ADGRG7: variants seen among roughly 807,000 people sequenced by gnomAD.
ADGRG7 encodes the protein adhesion G protein-coupled receptor G7, also known as G-protein coupled receptor 128.
ADGRG7 carries 82 observed loss-of-function variants against 88.6 expected under a neutral mutation model. That is an observed-to-expected ratio of 0.93 (90% CI 0.77 to 1.11). ADGRG7 has a LOEUF of 1.11. Ranked by LOEUF, ADGRG7 falls within the 50% of genes most tolerant of loss-of-function variation. The pLI, the probability that ADGRG7 is intolerant of heterozygous loss-of-function variation, is 0.00. For synonymous variants in ADGRG7, 381 were observed against 345.2 expected, an observed-to-expected ratio of 1.10 and a Z score of -1.15; for missense variants, 945 against 953.4, an observed-to-expected ratio of 0.99 and a Z score of 0.12.
intron 15 of ADGRG7, among the ~76,000 whole-genome samples, chr3:100,682,543 C>G (rs1245075480): frequency 6.6e-6 from 1 of 152,198 alleles, no homozygotes; most frequent in Non-Finnish European, 1.5e-5. Flanking sequence ...CCGAGCCTGA[C>G]GTTTCCAATG....
chr3:100,692,948 A>T (rs2094996344), intron 15 of ADGRG7, among the ~76,000 whole-genome samples: 1 of 152,246 alleles, frequency 6.6e-6, no homozygotes, highest in Non-Finnish European at 1.5e-5. Flanking sequence ...ATTTGTTTAC[A>T]CGTGAAACTT....
intron 15 of ADGRG7, among the ~76,000 whole-genome samples, chr3:100,686,054 A>C (rs554322580): frequency 2.6e-5 from 4 of 151,294 alleles, no homozygotes; most frequent in East Asian, 2.0e-4. Context: ...CTGACTTTTT[A>C]ATGATCGCCA....
At chr3:100,666,707 G>A (rs2094952306) in intron 14 of ADGRG7, among the ~76,000 whole-genome samples, 1 of 152,136 alleles carries the variant, frequency 6.6e-6, no homozygotes, top group Admixed American at 6.5e-5. Flanking sequence ...CAGGCTGGGG[G>A]ACGGTCAGGT....
At chr3:100,611,998 A>C (rs1707161144) in intron 1 of ADGRG7, among the ~76,000 whole-genome samples, 1 of 152,188 alleles carries the variant, frequency 6.6e-6, no homozygotes, top group Non-Finnish European at 1.5e-5. Context: ...GAGAGGTCAC[A>C]CATATCTCTG....
In ADGRG7 at chr3:100,674,481, G is replaced by A. The variant is rs539742798; in HGVS notation, c.2136+5376G>A. On this transcript the variant is annotated intron_variant, in intron 15 of 15. Coordinates refer to ENST00000273352, the MANE Select transcript of ADGRG7 (RefSeq NM_032787.3). ...CAATTGGTTGCATGCAGGTTTTATA[G>A]TTTTCGTTGTAGAGATCTTTCACTT... 2.3e-4 allele frequency among the ~76,000 whole-genome samples: 35 copies of A among 151,820 alleles called. No individual in the cohort carries two copies. The South Asian group carries it at 3.3e-3, about 14-fold the overall frequency.
At chr3:100,655,401 T>C (rs888718438) in intron 12 of ADGRG7, among the ~76,000 whole-genome samples, 2 of 152,194 alleles carry the variant, frequency 1.3e-5, no homozygotes, top group Non-Finnish European at 2.9e-5. Context: ...TAAACTAACT[T>C]AACTAACTTA....
At chr3:100,670,806 G>T (rs1409886981) in intron 15 of ADGRG7, among the ~76,000 whole-genome samples, 2 of 152,142 alleles carry the variant, frequency 1.3e-5, no homozygotes, top group African/African-American at 4.8e-5. Context: ...GTGAGAACAT[G>T]TGGTGTTTGG....
chr3:100,681,817 C>A (rs1289117687), intron 15 of ADGRG7, among the ~76,000 whole-genome samples: 1 of 152,136 alleles, frequency 6.6e-6, no homozygotes, highest in Non-Finnish European at 1.5e-5. Flanking sequence ...TTAAAGCACT[C>A]GCACCCTACC....
chr3:100,662,369 G>T (rs2094946666), intron 14 of ADGRG7, among the ~76,000 whole-genome samples: 1 of 152,296 alleles, frequency 6.6e-6, no homozygotes, highest in East Asian at 1.9e-4. Context: ...GCTCTTAACA[G>T]TATGTTTAAC....
chr3:100,689,869 C>T (rs554261078), intron 15 of ADGRG7, among the ~76,000 whole-genome samples: 5 of 152,208 alleles, frequency 3.3e-5, no homozygotes, highest in South Asian at 2.1e-4. Flanking sequence ...TTGCTCTTCT[C>T]GAGGAGTATC....
intron 1 of ADGRG7, among the ~76,000 whole-genome samples, chr3:100,618,024 G>A (rs1165431814): frequency 1.3e-5 from 2 of 152,216 alleles, no homozygotes; most frequent in Non-Finnish European, 2.9e-5. Flanking sequence ...CTGTCGAGAA[G>A]TGTCTGTTCA....
rs772906921 is a variant in ADGRG7, at chr3:100,637,293, C to T, written c.598-9C>T. 6.3e-7 allele frequency: 1 copy of T among 1,591,460 alleles called. No homozygotes were observed. Among genetic ancestry groups the T allele is most frequent in the East Asian group, 2.2e-5 (1 of 44,712 alleles). ...GCTTCTCTGATGATCAGTATCTTCTCTTTGGCAGGCAAAGAAAGTTGCCAT... is the reference window on the plus strand; with the variant it reads ...GCTTCTCTGATGATCAGTATCTTCTTTTTGGCAGGCAAAGAAAGTTGCCAT... On this transcript the variant is annotated splice_polypyrimidine_tract_variant and intron_variant, in intron 5 of 15. Coordinates refer to ENST00000273352, the MANE Select transcript of ADGRG7 (RefSeq NM_032787.3).
intron 13 of ADGRG7, among the ~76,000 whole-genome samples, chr3:100,659,439 CAAAA>C (rs373835556): frequency 2.5e-5 from 2 of 80,906 alleles, no homozygotes; most frequent in South Asian, 1.2e-3. Flanking sequence ...GACTCAGTCT[CAAAA>C]AAAAAAAAAA....
chr3:100,610,264 G>T (rs1707128572), intron 1 of ADGRG7, among the ~76,000 whole-genome samples: 1 of 152,200 alleles, frequency 6.6e-6, no homozygotes, highest in African/African-American at 2.4e-5. Flanking sequence ...AAAACGATTA[G>T]TAACACACAT....
chr3:100,622,592 G>A (rs979501780), intron 1 of ADGRG7, among the ~76,000 whole-genome samples: 7 of 151,918 alleles, frequency 4.6e-5, no homozygotes, highest in African/African-American at 1.2e-4. Context: ...TAAAAAAAGC[G>A]GGCTGCTTGG....
chr3:100,669,935 G>A (rs1172415595), intron 15 of ADGRG7, among the ~76,000 whole-genome samples: 2 of 151,894 alleles, frequency 1.3e-5, no homozygotes, highest in Admixed American at 1.3e-4. Flanking sequence ...CTACTTGGGA[G>A]GCTGAGGCAG....
chr3:100,638,556 A>T (rs1415876340), intron 6 of ADGRG7, among the ~76,000 whole-genome samples: 1 of 152,178 alleles, frequency 6.6e-6, no homozygotes, highest in Non-Finnish European at 1.5e-5. Flanking sequence ...AAAAGACATT[A>T]TTCAGAAAGA....
At chr3:100,615,520 T>A (rs748952163) in intron 1 of ADGRG7, among the ~76,000 whole-genome samples, 2 of 152,178 alleles carry the variant, frequency 1.3e-5, no homozygotes, top group African/African-American at 2.4e-5. Flanking sequence ...CAAATGTGTG[T>A]TGGGTACCTT....
In ADGRG7 at chr3:100,629,606, A is replaced by G. The variant is rs546462468; in HGVS notation, c.124A>G (p.Thr42Ala). ...IVIRIQRGKS[T>A]SSSSTPTEFC... Reference sequence around the variant, plus strand: ...ATTTATTGTTTCTTTAGGAAAATCTACTTCCTCATCAAGCACCCCTACAGA... The same window carrying G: ...ATTTATTGTTTCTTTAGGAAAATCTGCTTCCTCATCAAGCACCCCTACAGA... Residue 42 changes from threonine (T) to alanine (A), a missense_variant, in exon 2 of 16, where the codon ACT becomes GCT. Coordinates refer to ENST00000273352, the MANE Select transcript of ADGRG7 (RefSeq NM_032787.3). 1.1e-5 allele frequency: 18 copies of G among 1,610,320 alleles called. No individual in the cohort carries two copies. The African/African-American group carries it at 1.2e-4, about 11-fold the overall frequency.
Sources: allele counts gnomAD v4.1 joint callset (sites outside exome capture counted in the v4.1 genomes callset), GRCh38; gene constraint gnomAD v4.1.1; transcripts MANE v1.5; gene names NCBI Gene and HGNC (gene_info 2026-07-23, HGNC 2026-07-21).